CRIM1: variants seen among roughly 807,000 people sequenced by gnomAD.
CRIM1 encodes the protein cysteine rich transmembrane BMP regulator 1, also known as cysteine-rich motor neuron 1 protein.
A neutral mutation model predicts 116.4 loss-of-function variants in CRIM1; 32 were observed. The observed-to-expected ratio is 0.27, with a 90% confidence interval of 0.21 to 0.37. The LOEUF (loss-of-function observed/expected upper bound fraction) is 0.37. Ranked by LOEUF, CRIM1 falls within the 10% of genes least tolerant of loss-of-function variation. The pLI is 1.00. For synonymous variants in CRIM1, 590 were observed against 509.2 expected (o/e 1.16, Z -2.13); for missense variants, 1,331 against 1,354.8 (o/e 0.98, Z 0.28).
intron 12 of CRIM1, 22 bp downstream of exon 12, chr2:36,517,564 G>A (rs1204810589): frequency 1.3e-6 from 2 of 1,597,656 alleles, no homozygotes; most frequent in African/African-American, 1.3e-5. Context: ...CATGCCTTGT[G>A]GGTGCTTGGT....
intron 1 of CRIM1, chr2:36,379,292 T>C (rs1670552209): frequency 6.6e-6 from 1 of 152,230 alleles, no homozygotes; most frequent in Non-Finnish European, 1.5e-5. Flanking sequence ...ATTGTTTTAT[T>C]AAAAGACTAG....
In CRIM1 at chr2:36,512,099, T is replaced by C. The variant is rs554380380; in HGVS notation, c.1659-174T>C. On this transcript the variant is annotated intron_variant, in intron 9 of 16. Transcript: ENST00000280527. ...ACTCTCTGCCTTGGTCATGAGTAAG[T>C]GGTGGTAATGGCCACAGGGAGCTAA... 1.4e-3 allele frequency among the ~76,000 whole-genome samples: 208 copies of C among 152,358 alleles called. 1 individual carries two copies. Among genetic ancestry groups the C allele is most frequent in the African/African-American group, 4.5e-3 (189 of 41,588 alleles).
chr2:36,464,609 C>T lies in CRIM1; in HGVS notation c.945C>T (p.Gly315=), dbSNP rs372559618. Residue 315 remains glycine, a synonymous_variant, in exon 5 of 17, where the codon GGC becomes GGT. Coordinates refer to ENST00000280527, the MANE Select transcript of CRIM1 (RefSeq NM_016441.3). ...CCACTCCCCGCATAGTCTCTCGTGG[C>T]GATGGGACACCTGGAAAGTGCTGTG... The part of the protein sequence containing the change: ...VGSTPRIVSR[G]DGTPGKCCDV... 14 of 1,613,966 alleles carry T rather than the reference C, an allele frequency of 8.7e-6. No individual in the cohort carries two copies. The African/African-American group carries it at 1.2e-4, about 14-fold the overall frequency.
At chr2:36,538,839 A>C (rs1460857402) in intron 14 of CRIM1, among the ~76,000 whole-genome samples, 1 of 152,122 alleles carries the variant, frequency 6.6e-6, no homozygotes, top group Non-Finnish European at 1.5e-5. Flanking sequence ...TTTCCACTGG[A>C]ATTATTTTAT....
At chr2:36,363,108 G>A (rs1469721917) in intron 1 of CRIM1, among the ~76,000 whole-genome samples, 1 of 151,436 alleles carries the variant, frequency 6.6e-6, no homozygotes, top group Admixed American at 6.6e-5. Flanking sequence ...GCTGAGGTGG[G>A]AGAATTGCTT....
intron 7 of CRIM1, among the ~76,000 whole-genome samples, chr2:36,481,766 G>C (rs911218116): frequency 1.3e-5 from 2 of 152,108 alleles, no homozygotes; most frequent in Admixed American, 1.3e-4. Flanking sequence ...AAGATCAACG[G>C]AAGTTTGTCA....
At chr2:36,522,410 G>T (rs546329892) in intron 13 of CRIM1, 97 bp downstream of exon 13, 325 of 958,466 alleles carry the variant, frequency 3.4e-4, no homozygotes, top group Non-Finnish European at 5.0e-4. Context: ...TTTGAAACTG[G>T]TTTTTTCCCT....
In CRIM1 at chr2:36,399,204, G is replaced by A. The variant is rs17018708; in HGVS notation, c.505+2417G>A. Among the ~76,000 whole-genome samples, 1,068 of 152,292 alleles carry A rather than the reference G, an allele frequency of 7.0e-3. 39 individuals carry two copies. The East Asian group carries it at 0.075, about 11-fold the overall frequency. ...AAACATTGTGCAACAAGCTTAAGCC[G>A]GGTAATATGAGCAATCAGAAATCAT... On this transcript the variant is annotated intron_variant, in intron 2 of 16. Transcript: ENST00000280527.
intron 13 of CRIM1, among the ~76,000 whole-genome samples, chr2:36,534,263 G>T (rs1040907025): frequency 4.6e-5 from 6 of 131,114 alleles, no homozygotes; most frequent in African/African-American, 1.8e-4. Context: ...AAGGAGGAAA[G>T]AAAGGATGGA....
At chr2:36,528,394 C>T (rs1042988110) in intron 13 of CRIM1, among the ~76,000 whole-genome samples, 1 of 152,242 alleles carries the variant, frequency 6.6e-6, no homozygotes, top group Non-Finnish European at 1.5e-5. Flanking sequence ...CTTTCTGTAG[C>T]TCAGCTGTGT....
rs1319299136 is a variant in CRIM1 at position 36,549,441 on chromosome 2, A to C, written c.*740A>C. 1 of 151,738 alleles carries C rather than the reference A, an allele frequency of 6.6e-6. No individual in the cohort carries two copies. Among genetic ancestry groups the C allele is most frequent in the Non-Finnish European group, 1.5e-5 (1 of 67,942 alleles). The allele number at this position is 151,738 out of a possible 1,614,324, so 9.4% of individuals were successfully genotyped here. On this transcript the variant is annotated 3_prime_UTR_variant, in exon 17 of 17. Coordinates refer to ENST00000280527, the MANE Select transcript of CRIM1 (RefSeq NM_016441.3). ...CTAGCAGAGTCAGCACATGAACAAG[A>C]TCTAAGTCATTTCTTGATGTGAGCA... is the stretch of plus-strand genomic sequence containing the variant.
At chr2:36,511,487 C>A (rs3770832) in intron 9 of CRIM1, among the ~76,000 whole-genome samples, 47,878 of 152,032 alleles carry the variant, frequency 0.31, 7,789 homozygotes, top group Middle Eastern at 0.47. Flanking sequence ...CCTAACTGCT[C>A]ATATAAAATG....
intron 4 of CRIM1, among the ~76,000 whole-genome samples, chr2:36,445,881 T>G (rs1353131840): frequency 1.3e-5 from 2 of 152,142 alleles, no homozygotes; most frequent in East Asian, 3.8e-4. Flanking sequence ...AAATGTCCAC[T>G]CTTTAAGAGC....
At chr2:36,408,788 G>GA (rs1673000122) in intron 2 of CRIM1, among the ~76,000 whole-genome samples, 2 of 149,746 alleles carry the variant, frequency 1.3e-5, no homozygotes, top group Admixed American at 6.6e-5. Context: ...CTGCTTATGA[G>GA]AAGAAAAAAA....
At chr2:36,531,686 C>A in intron 13 of CRIM1, 1 of 287,338 alleles carries the variant, frequency 3.5e-6, no homozygotes. Flanking sequence ...AAGAAGTTAA[C>A]CGGAAAGGAA....
At chr2:36,504,163 C>T (rs1030389751) in intron 8 of CRIM1, among the ~76,000 whole-genome samples, 3 of 152,150 alleles carry the variant, frequency 2.0e-5, no homozygotes, top group East Asian at 1.9e-4. Flanking sequence ...TGTGAGGCAC[C>T]GTACCTGGCC....
At chr2:36,408,566 T>G (rs1672984976) in intron 2 of CRIM1, among the ~76,000 whole-genome samples, 1 of 152,198 alleles carries the variant, frequency 6.6e-6, no homozygotes, top group Admixed American at 6.5e-5. Context: ...CCCTTCCCTC[T>G]AAGGGGAGCT....
At chr2:36,501,660 C>T (rs1432331790) in intron 8 of CRIM1, among the ~76,000 whole-genome samples, 1 of 152,030 alleles carries the variant, frequency 6.6e-6, no homozygotes, top group Non-Finnish European at 1.5e-5. Flanking sequence ...AAGTCGAGGC[C>T]GCAGCTAGCT....
chr2:36,390,325 C>G (rs1399617768), intron 1 of CRIM1, among the ~76,000 whole-genome samples: 1 of 152,156 alleles, frequency 6.6e-6, no homozygotes, highest in Non-Finnish European at 1.5e-5. Context: ...ACCTATGCAT[C>G]TGTGTGTATA....
Sources: allele counts gnomAD v4.1 joint callset (sites outside exome capture counted in the v4.1 genomes callset), GRCh38; gene constraint gnomAD v4.1.1; transcripts MANE v1.5; gene names NCBI Gene and HGNC (gene_info 2026-07-23, HGNC 2026-07-21).